The following COMMD1 variants were observed in gnomAD, a reference collection of about 807,000 sequenced individuals.
COMMD1 encodes the protein copper metabolism domain containing 1.
In COMMD1, 10 loss-of-function variants were observed where a neutral mutation model predicts 17.2. The observed-to-expected ratio is 0.58, with a 90% CI of 0.36 to 0.99. The LOEUF is 0.99. COMMD1 is among the 50% of genes least tolerant of loss of function. The probability of loss-of-function intolerance (pLI) is 0.01; values close to 1 mark genes in which losing one functional copy is unlikely to be tolerated. For missense variants in COMMD1, 270 were observed against 231.8 expected, an observed-to-expected ratio of 1.17 and a Z score of -1.07; for synonymous variants, 97 against 91.6, an observed-to-expected ratio of 1.06 and a Z score of -0.34.
intron 2 of COMMD1, among the ~76,000 whole-genome samples, chr2:62,024,328 C>T (rs746177053): frequency 2.6e-5 from 4 of 152,062 alleles, no homozygotes; most frequent in Admixed American, 6.6e-5. Flanking sequence ...GCAATTCTCC[C>T]ACCTCAGCCT....
chr2:61,990,903 T>TACACACACACACACACAC (rs34009777), intron 1 of COMMD1, among the ~76,000 whole-genome samples: 75 of 116,164 alleles, frequency 6.5e-4, no homozygotes, highest in South Asian at 1.6e-3. Flanking sequence ...TATATATATA[T>TACACACACACACACACAC]ACACACACAC....
At chr2:61,922,652 GTTTA>G (rs1670229409) in intron 1 of COMMD1, among the ~76,000 whole-genome samples, 1 of 152,086 alleles carries the variant, frequency 6.6e-6, no homozygotes, top group South Asian at 2.1e-4. Flanking sequence ...AATTTGCGAG[GTTTA>G]TTTCTTTCCC....
chr2:62,047,535 A>G (rs1180079235), intron 2 of COMMD1, among the ~76,000 whole-genome samples: 1 of 150,986 alleles, frequency 6.6e-6, no homozygotes, highest in Non-Finnish European at 1.5e-5. Context: ...GCTCACTGCA[A>G]CCTCCGCCTC....
intron 1 of COMMD1, among the ~76,000 whole-genome samples, chr2:61,962,584 A>G (rs1015020745): frequency 3.3e-5 from 5 of 152,206 alleles, no homozygotes; most frequent in Admixed American, 3.3e-4. Context: ...TCATGTGACC[A>G]GTTATTCAAT....
At chr2:61,989,627 T>G (rs1009184604) in intron 1 of COMMD1, among the ~76,000 whole-genome samples, 1 of 151,102 alleles carries the variant, frequency 6.6e-6, no homozygotes, top group Non-Finnish European at 1.5e-5. Flanking sequence ...GCCTGGCTAA[T>G]TTTTTGTGTG....
At chr2:62,067,002 A>C (rs1671070084) in intron 2 of COMMD1, among the ~76,000 whole-genome samples, 2 of 152,182 alleles carry the variant, frequency 1.3e-5, no homozygotes, top group Non-Finnish European at 2.9e-5. Flanking sequence ...CTGGGATTAC[A>C]GGCTTGAGCC....
chr2:62,066,777 G>A (rs1251702762), intron 2 of COMMD1, among the ~76,000 whole-genome samples: 1 of 151,806 alleles, frequency 6.6e-6, no homozygotes, highest in Non-Finnish European at 1.5e-5. Context: ...CCAGGCTGGA[G>A]TGCAGAGGTG....
chr2:62,054,101 A>T (rs1481651972), intron 2 of COMMD1, among the ~76,000 whole-genome samples: 1 of 152,234 alleles, frequency 6.6e-6, no homozygotes, highest in African/African-American at 2.4e-5. Flanking sequence ...TATGAAAAAA[A>T]TGCTGAACAT....
chr2:61,931,141 A>G (rs1670456433), intron 1 of COMMD1, among the ~76,000 whole-genome samples: 1 of 151,942 alleles, frequency 6.6e-6, no homozygotes, highest in African/African-American at 2.4e-5. Context: ...ATGAAACCCC[A>G]TCTCTACAAA....
intron 1 of COMMD1, among the ~76,000 whole-genome samples, chr2:61,952,515 T>G (rs906498067): frequency 1.3e-5 from 2 of 152,038 alleles, no homozygotes; most frequent in Non-Finnish European, 2.9e-5. Context: ...GCTGGTCCTG[T>G]GGCCCCACCC....
At chr2:61,919,861 G>A (rs911632089) in intron 1 of COMMD1, among the ~76,000 whole-genome samples, 3 of 151,978 alleles carry the variant, frequency 2.0e-5, no homozygotes, top group South Asian at 2.1e-4. Flanking sequence ...GTGCAATGAC[G>A]CATGCCTATA....
intron 2 of COMMD1, among the ~76,000 whole-genome samples, chr2:62,031,535 G>A (rs1459374022): frequency 6.6e-6 from 1 of 152,096 alleles, no homozygotes; most frequent in Non-Finnish European, 1.5e-5. Flanking sequence ...GAAAGTTGTT[G>A]GTAATTAAAA....
intron 2 of COMMD1, among the ~76,000 whole-genome samples, chr2:62,035,377 G>T (rs1480246076): frequency 6.6e-6 from 1 of 152,190 alleles, no homozygotes; most frequent in Non-Finnish European, 1.5e-5. Context: ...GATTGGTGAG[G>T]ATTCCCAGTT....
At chr2:61,983,143 C>T (rs909975058) in intron 1 of COMMD1, among the ~76,000 whole-genome samples, 3 of 151,106 alleles carry the variant, frequency 2.0e-5, no homozygotes, top group Admixed American at 2.0e-4. Flanking sequence ...GCAGCAAAGC[C>T]CTGAGGTCCT....
At chr2:61,900,462 G>C (rs558470678) in intron 1 of COMMD1, among the ~76,000 whole-genome samples, 2 of 152,350 alleles carry the variant, frequency 1.3e-5, no homozygotes, top group East Asian at 3.9e-4. Flanking sequence ...AAGACTGATG[G>C]CCTGCAGGCA....
intron 2 of COMMD1, among the ~76,000 whole-genome samples, chr2:62,092,533 C>T (rs766602096): frequency 1.3e-5 from 2 of 152,124 alleles, no homozygotes; most frequent in Non-Finnish European, 2.9e-5. Context: ...TTTAACTTTG[C>T]AGTACGAGAG....
At chr2:62,103,274 C>T (rs760515504) in intron 2 of COMMD1, among the ~76,000 whole-genome samples, 3 of 152,188 alleles carry the variant, frequency 2.0e-5, no homozygotes, top group Non-Finnish European at 4.4e-5. Flanking sequence ...CTGCGCCCGG[C>T]CTCCAATCGT....
chr2:61,956,675 C>T (rs749299301), intron 1 of COMMD1, among the ~76,000 whole-genome samples: 3 of 151,806 alleles, frequency 2.0e-5, no homozygotes, highest in Non-Finnish European at 4.4e-5. Flanking sequence ...TCCCAAAGTG[C>T]TGGGATTACA....
intron 1 of COMMD1, among the ~76,000 whole-genome samples, chr2:61,995,520 G>GAGAC (rs1668732541): frequency 2.0e-5 from 3 of 152,162 alleles, no homozygotes; most frequent in Non-Finnish European, 2.9e-5. Context: ...ATCATTGTTT[G>GAGAC]ATGTCTCAGG....
Sources: gnomAD v4.1 joint callset for allele counts (sites outside exome capture counted in the v4.1 genomes callset) on GRCh38, gnomAD v4.1.1 for gene constraint, MANE v1.5 for transcripts, NCBI Gene and HGNC (gene_info 2026-07-23, HGNC 2026-07-21) for gene names.